The following PLA2G4C variants were observed in gnomAD, a reference collection of about 807,000 sequenced individuals.
PLA2G4C encodes the protein cytosolic phospholipase A2 gamma.
PLA2G4C carries 64 observed loss-of-function variants against 73.8 expected under a neutral mutation model. The observed-to-expected ratio is 0.87, with a 90% CI of 0.71 to 1.07. The LOEUF (loss-of-function observed/expected upper bound fraction) is 1.07. PLA2G4C is among the 50% of genes least tolerant of loss of function. The pLI, the probability that PLA2G4C is intolerant of heterozygous loss-of-function variation, is 0.00. For missense variants in PLA2G4C, 622 were observed against 665.4 expected, an observed-to-expected ratio of 0.93 and a Z score of 0.72; for synonymous variants, 254 against 252.1, an observed-to-expected ratio of 1.01 and a Z score of -0.07.
At chr19:48,109,751 G>A (rs567973367) in intron 1 of PLA2G4C, among the ~76,000 whole-genome samples, 4 of 152,184 alleles carry the variant, frequency 2.6e-5, no homozygotes, top group Admixed American at 2.6e-4. Flanking sequence ...CCGGGCTCAC[G>A]CCATTCTCCT....
chr19:48,110,541 T>G lies in PLA2G4C; in HGVS notation c.-87A>C. On this transcript the variant is annotated 5_prime_UTR_variant, in exon 1 of 17. Transcript: ENST00000599921. ...GCGCGGTGGAGCTTGTGCTCCGGAATCCGGTGCGGAGGCTTGGGCTCCCTG... is the reference window on the plus strand; with the variant it reads ...GCGCGGTGGAGCTTGTGCTCCGGAAGCCGGTGCGGAGGCTTGGGCTCCCTG... 6 of 1,531,976 alleles carry G rather than the reference T, an allele frequency of 3.9e-6. No homozygotes were observed. Among genetic ancestry groups the G allele is most frequent in the Non-Finnish European group, 5.3e-6 (6 of 1,142,328 alleles). 94.9% of individuals were successfully genotyped at this position (1,531,976 alleles called of 1,614,324 possible).
intron 13 of PLA2G4C, among the ~76,000 whole-genome samples, chr19:48,065,136 G>C (rs1968358975): frequency 6.6e-6 from 1 of 152,146 alleles, no homozygotes; most frequent in Admixed American, 6.6e-5. Flanking sequence ...GGCCTAGGTG[G>C]TTGGGGCACA....
chr19:48,108,629 C>A (rs2032344150), intron 1 of PLA2G4C, among the ~76,000 whole-genome samples: 1 of 152,154 alleles, frequency 6.6e-6, no homozygotes, highest in Non-Finnish European at 1.5e-5. Context: ...CTAACCTTGT[C>A]TTATGAATGT....
At chr19:48,090,102 G>A (rs1262930426) in intron 8 of PLA2G4C, 7 of 447,052 alleles carry the variant, frequency 1.6e-5, no homozygotes, top group South Asian at 3.6e-5. Context: ...GGCAGAAACC[G>A]AGGCACAGAG....
chr19:48,087,701 G>A (rs991729865), intron 9 of PLA2G4C, among the ~76,000 whole-genome samples: 3 of 152,064 alleles, frequency 2.0e-5, no homozygotes, highest in African/African-American at 7.2e-5. Flanking sequence ...TTGGGAGGCC[G>A]AGGTGGGCGG....
intron 12 of PLA2G4C, among the ~76,000 whole-genome samples, chr19:48,069,654 G>C (rs1462249194): frequency 6.6e-6 from 1 of 152,178 alleles, no homozygotes; most frequent in African/African-American, 2.4e-5. Flanking sequence ...TGAACAGCAG[G>C]GGCAGAGTGG....
At chr19:48,105,282 C>T (rs2032118195) in intron 3 of PLA2G4C, 51 bp downstream of exon 3, 6 of 1,284,586 alleles carry the variant, frequency 4.7e-6, no homozygotes, top group South Asian at 1.2e-5. Context: ...ACACTGGGCA[C>T]AGAGGGGGCG....
intron 6 of PLA2G4C, 71 bp from the exon 7 acceptor site, chr19:48,095,675 G>C: frequency 6.1e-6 from 9 of 1,467,194 alleles, no homozygotes; most frequent in Non-Finnish European, 8.6e-6. Flanking sequence ...GCAGGAAAAA[G>C]AAATCTATTA....
chr19:48,085,761 G>A (rs557861650), intron 9 of PLA2G4C, among the ~76,000 whole-genome samples: 3 of 152,324 alleles, frequency 2.0e-5, no homozygotes, highest in South Asian at 2.1e-4. Context: ...TCCCCAGGGT[G>A]TGAGATGGGG....
At chr19:48,103,514 G>A (rs934012959) in intron 4 of PLA2G4C, 1 of 141,224 alleles carries the variant, frequency 7.1e-6, no homozygotes, top group Non-Finnish European at 1.5e-5. Context: ...CCTCTGCCCT[G>A]CCTATCTCAC....
Position 48,099,817 on chromosome 19 carries a change from G to A in PLA2G4C, c.301C>T (p.Leu101Phe), listed in dbSNP as rs2031802927. The A allele has an allele frequency of 5.0e-6, 8 of 1,613,862 alleles. No individual in the cohort carries two copies. The highest frequency in any genetic ancestry group is 6.8e-6 in the Non-Finnish European group (8 of 1,179,904). ...LYTNDGDMEA[L>F]EADLKHRFTR... ...AATCGATGTTTCAGGTCAGCCTCGA[G>A]AGCTTCCATGTCACCATCATTGGTG... The change falls in exon 5 of 17, where the codon CTC becomes TTC. Residue 101 changes from leucine (L) to phenylalanine (F), a missense_variant. By Grantham distance (22) the Leu-to-Phe change is conservative. Coordinates refer to ENST00000599921, the MANE Select transcript of PLA2G4C (RefSeq NM_003706.3).
At chr19:48,079,209 G>T (rs2030378955) in intron 10 of PLA2G4C, among the ~76,000 whole-genome samples, 3 of 152,056 alleles carry the variant, frequency 2.0e-5, no homozygotes, top group Admixed American at 1.3e-4. Context: ...AGCCCTCATA[G>T]CCAAAGCAAA....
At chr19:48,054,647 C>A (rs911763284) in intron 15 of PLA2G4C, among the ~76,000 whole-genome samples, 4 of 152,054 alleles carry the variant, frequency 2.6e-5, no homozygotes, top group Non-Finnish European at 5.9e-5. Context: ...CTGGCAATTG[C>A]CCTGCTGGCA....
chr19:48,085,189 G>T (rs1454635242), intron 9 of PLA2G4C, 77 bp from the exon 10 acceptor site: 2 of 1,010,202 alleles, frequency 2.0e-6, no homozygotes, highest in Non-Finnish European at 3.2e-6. Flanking sequence ...AGCACCAGCA[G>T]ACTGGCATAA....
At chr19:48,106,627 G>T in intron 1 of PLA2G4C, 66 bp from the exon 2 acceptor site, 1 of 1,294,674 alleles carries the variant, frequency 7.7e-7, no homozygotes, top group Non-Finnish European at 1.1e-6. Flanking sequence ...CAGTGGGGGA[G>T]GGCTGGGACT....
intron 4 of PLA2G4C, among the ~76,000 whole-genome samples, chr19:48,102,695 C>A (rs2031978333): frequency 2.6e-5 from 4 of 152,212 alleles, no homozygotes; most frequent in Non-Finnish European, 5.9e-5. Flanking sequence ...CTGCAAAAAA[C>A]ATTTGACTCT....
intron 12 of PLA2G4C, among the ~76,000 whole-genome samples, chr19:48,068,917 G>A (rs1188838484): frequency 6.6e-6 from 1 of 151,550 alleles, no homozygotes; most frequent in Admixed American, 6.6e-5. Flanking sequence ...CTGCAGAATT[G>A]TAAGAAAATA....
At chr19:48,108,521 G>A (rs569371919) in intron 1 of PLA2G4C, among the ~76,000 whole-genome samples, 3 of 152,294 alleles carry the variant, frequency 2.0e-5, no homozygotes, top group South Asian at 4.1e-4. Flanking sequence ...CCCTGGTTAC[G>A]TGACTCTGGA....
rs57288809 is a variant in PLA2G4C at position 48,100,919 on chromosome 19, G to GAA, written c.258-1061_258-1060dup. The stretch of plus-strand genomic sequence containing the variant: ...ACAGAGCAAGACTCTATCTCAAAAA[G>GAA]AAAAAAAAAAAGAAAAAAAAGACTT... On this transcript the variant is annotated intron_variant, in intron 4 of 16. Transcript: ENST00000599921. Among the ~76,000 whole-genome samples, 515 of 120,306 alleles carry GAA rather than the reference G, an allele frequency of 4.3e-3. 6 individuals are homozygous for GAA. The highest frequency in any genetic ancestry group is 0.014 in the African/African-American group (492 of 34,460). The allele number at this position is 120,306 out of a possible 152,430, so 78.9% of individuals were successfully genotyped here.
Sources: gnomAD v4.1 joint callset for allele counts (sites outside exome capture counted in the v4.1 genomes callset) on GRCh38, gnomAD v4.1.1 for gene constraint, MANE v1.5 for transcripts, NCBI Gene and HGNC (gene_info 2026-07-23, HGNC 2026-07-21) for gene names.